The following UNC5D variants were observed in gnomAD, a reference collection of about 807,000 sequenced individuals.
UNC5D encodes unc-5 netrin receptor D, also known as netrin receptor UNC5D.
In UNC5D, 39 loss-of-function variants were observed where a neutral mutation model predicts 105.4. That is an observed-to-expected ratio of 0.37 (90% confidence interval 0.29 to 0.48). The LOEUF is 0.48. UNC5D is among the 20% of genes least tolerant of loss of function. The pLI is 0.98. For missense variants in UNC5D, 991 were observed against 1,202.4 expected (o/e 0.82, Z 2.60); for synonymous variants, 452 against 450.4 (o/e 1.00, Z -0.04).
intron 7 of UNC5D, among the ~76,000 whole-genome samples, chr8:35,702,899 C>T (rs1827308830): frequency 6.6e-6 from 1 of 152,078 alleles, no homozygotes; most frequent in Admixed American, 6.6e-5. Flanking sequence ...CTTAGCATAA[C>T]AAGTCCCACT....
At position 35,271,668 on chromosome 8, in the gene UNC5D, G is replaced by GTATACATATATATGTATACAT. The variant is rs1563267892; in HGVS notation, c.103+35781_103+35782insTATACATATATATGTATACAT. Among the ~76,000 whole-genome samples, 31 of 55,892 alleles carry GTATACATATATATGTATACAT rather than the reference G, an allele frequency of 5.5e-4. 1 individual carries two copies. Among genetic ancestry groups the GTATACATATATATGTATACAT allele is most frequent in the Middle Eastern group, 0.014 (1 of 70 alleles). The allele number at this position is 55,892 out of a possible 152,430, so 36.7% of individuals were successfully genotyped here. A position where few individuals can be genotyped will look rare whatever the true frequency, so the allele number is the denominator to read the frequency against. ...CCATATGTATACCTATATTTATACA[G>GTATACATATATATGTATACAT]GTATACATATATATGTATACATGTA... is the stretch of plus-strand genomic sequence containing the variant. On this transcript the variant is annotated intron_variant, in intron 1 of 16. Transcript: ENST00000404895.
At chr8:35,472,882 G>C (rs1455361880) in intron 1 of UNC5D, among the ~76,000 whole-genome samples, 1 of 152,066 alleles carries the variant, frequency 6.6e-6, no homozygotes, top group African/African-American at 2.4e-5. Flanking sequence ...TAAAGATCCC[G>C]GGATGAAAGC....
intron 1 of UNC5D, among the ~76,000 whole-genome samples, chr8:35,404,972 G>C (rs192475912): frequency 6.6e-5 from 10 of 152,208 alleles, no homozygotes; most frequent in Non-Finnish European, 1.5e-4. Flanking sequence ...TAAGTTAGAC[G>C]CTATACTTCA....
chr8:35,684,458 G>A (rs1825877419), intron 5 of UNC5D, 124 bp from the exon 6 acceptor site: 5 of 1,153,416 alleles, frequency 4.3e-6, no homozygotes, highest in Admixed American at 5.5e-5. Context: ...GCCAGTGGGG[G>A]CTGCACAGTC....
chr8:35,391,708 G>A (rs530457701), intron 1 of UNC5D, among the ~76,000 whole-genome samples: 10 of 152,230 alleles, frequency 6.6e-5, no homozygotes, highest in African/African-American at 1.7e-4. Flanking sequence ...AATAGGAAGC[G>A]TATTTATAAT....
At chr8:35,581,068 A>G (rs1408815838) in intron 3 of UNC5D, among the ~76,000 whole-genome samples, 2 of 152,166 alleles carry the variant, frequency 1.3e-5, no homozygotes, top group Admixed American at 6.5e-5. Flanking sequence ...TTAAAAATTA[A>G]GATTCCAGGG....
intron 1 of UNC5D, among the ~76,000 whole-genome samples, chr8:35,393,440 T>C (rs1803910945): frequency 6.6e-6 from 1 of 151,208 alleles, no homozygotes; most frequent in Non-Finnish European, 1.5e-5. Flanking sequence ...GCCCTACTTT[T>C]TATCCTCTGG....
intron 4 of UNC5D, among the ~76,000 whole-genome samples, chr8:35,658,463 C>G (rs1481693439): frequency 6.6e-6 from 1 of 152,148 alleles, no homozygotes; most frequent in Non-Finnish European, 1.5e-5. Context: ...GGACAAAGTA[C>G]AAGACATATT....
At chr8:35,670,879 TGG>T (rs1824748867) in intron 4 of UNC5D, among the ~76,000 whole-genome samples, 1 of 152,148 alleles carries the variant, frequency 6.6e-6, no homozygotes. Flanking sequence ...AATAAAAAGA[TGG>T]CAGAATTTTG....
At position 35,770,573 on chromosome 8, in the gene UNC5D, G is replaced by A. The variant is rs112815934; in HGVS notation, c.2478+3507G>A. ...ATTTAACCCTATTGAATTACCTAATGATTACTGCCAACCAATATTCTATAA... is the reference window on the plus strand; with the variant it reads ...ATTTAACCCTATTGAATTACCTAATAATTACTGCCAACCAATATTCTATAA... On this transcript the variant is annotated intron_variant, in intron 15 of 16. Transcript: ENST00000404895. Among the ~76,000 whole-genome samples, 899 of 152,260 alleles carry A rather than the reference G, an allele frequency of 5.9e-3. 12 individuals are homozygous for A. Among genetic ancestry groups the A allele is most frequent in the African/African-American group, 0.021 (867 of 41,548 alleles).
intron 7 of UNC5D, among the ~76,000 whole-genome samples, chr8:35,699,576 A>T (rs1484170355): frequency 6.6e-6 from 1 of 152,170 alleles, no homozygotes; most frequent in African/African-American, 2.4e-5. Context: ...GAAACCAGTG[A>T]TTTCTCTAAC....
At chr8:35,242,185 A>G (rs1020249725) in intron 1 of UNC5D, among the ~76,000 whole-genome samples, 1 of 152,166 alleles carries the variant, frequency 6.6e-6, no homozygotes, top group Non-Finnish European at 1.5e-5. Context: ...ATTTTTCCAC[A>G]GGTGGGAAAA....
At chr8:35,401,349 T>G (rs1804449503) in intron 1 of UNC5D, among the ~76,000 whole-genome samples, 1 of 152,050 alleles carries the variant, frequency 6.6e-6, no homozygotes. Context: ...CCGGGCATAG[T>G]GGCACATGCT....
At chr8:35,430,031 CCAAGGTGATGTCTTTTGTGTGCTAA>C in intron 1 of UNC5D, among the ~76,000 whole-genome samples, 1 of 152,026 alleles carries the variant, frequency 6.6e-6, no homozygotes, top group Non-Finnish European at 1.5e-5. Context: ...CCTGGAGTCC[CCAAGGTGATGTCTTTTGTGTGCTAA>C]CAAGTTGAGC....
intron 1 of UNC5D, among the ~76,000 whole-genome samples, chr8:35,337,396 G>T (rs533291493): frequency 3.9e-4 from 60 of 152,322 alleles, no homozygotes; most frequent in African/African-American, 1.4e-3. Flanking sequence ...TTTAAACAAA[G>T]TGGGTTTATT....
At chr8:35,446,315 C>T (rs749298552) in intron 1 of UNC5D, among the ~76,000 whole-genome samples, 3 of 151,908 alleles carry the variant, frequency 2.0e-5, no homozygotes, top group Admixed American at 2.0e-4. Context: ...CAACGTAACT[C>T]ATATACCATA....
intron 1 of UNC5D, among the ~76,000 whole-genome samples, chr8:35,408,046 A>G (rs1804919510): frequency 6.6e-6 from 1 of 152,128 alleles, no homozygotes; most frequent in Non-Finnish European, 1.5e-5. Flanking sequence ...ACTAAACTGC[A>G]ATTATTCCTT....
intron 1 of UNC5D, among the ~76,000 whole-genome samples, chr8:35,239,327 T>C (rs2128799567): frequency 6.6e-6 from 1 of 152,290 alleles, no homozygotes; most frequent in African/African-American, 2.4e-5. Context: ...CACTGCGCTG[T>C]CTTATTGATT....
intron 1 of UNC5D, among the ~76,000 whole-genome samples, chr8:35,435,514 C>T (rs966019946): frequency 3.3e-5 from 5 of 152,040 alleles, no homozygotes; most frequent in African/African-American, 7.2e-5. Flanking sequence ...TCAAATAGTA[C>T]AGTAGAGCCA....
Sources: gnomAD v4.1 joint callset for allele counts (sites outside exome capture counted in the v4.1 genomes callset) on GRCh38, gnomAD v4.1.1 for gene constraint, MANE v1.5 for transcripts, NCBI Gene and HGNC (gene_info 2026-07-23, HGNC 2026-07-21) for gene names.